The following HIVEP3 variants were observed in gnomAD, a reference collection of about 807,000 sequenced individuals.
HIVEP3 encodes the protein HIVEP zinc finger 3.
In HIVEP3, 49 loss-of-function variants were observed where a neutral mutation model predicts 152.8. The observed-to-expected ratio is 0.32, with a 90% confidence interval of 0.26 to 0.41. The LOEUF is 0.41. HIVEP3 is among the 10% of genes least tolerant of loss of function. The pLI, the probability that HIVEP3 is intolerant of heterozygous loss-of-function variation, is 1.00. For missense variants in HIVEP3, 2,790 were observed against 3,103.3 expected (o/e 0.90, Z 2.40); for synonymous variants, 1,269 against 1,289.0 (o/e 0.98, Z 0.33).
chr1:41,698,954 G>A (rs980986996), intron 2 of HIVEP3, among the ~76,000 whole-genome samples: 1 of 152,176 alleles, frequency 6.6e-6, no homozygotes, highest in Non-Finnish European at 1.5e-5. Flanking sequence ...CAGGATCAGA[G>A]GGGTGTCAGG....
chr1:41,902,297 T>A (rs1644638403), intron 1 of HIVEP3, among the ~76,000 whole-genome samples: 1 of 151,942 alleles, frequency 6.6e-6, no homozygotes, highest in South Asian at 2.1e-4. Context: ...CCTAGATGAG[T>A]GATTCATTGA....
intron 1 of HIVEP3, among the ~76,000 whole-genome samples, chr1:41,758,188 G>A (rs1647441209): frequency 6.6e-6 from 1 of 152,144 alleles, no homozygotes; most frequent in Admixed American, 6.5e-5. Flanking sequence ...GACAGGTTTT[G>A]GTGGGGTCTG....
rs753862941 is a variant in HIVEP3, at chr1:41,581,841, C to T, written c.2957G>A (p.Arg986Gln). 19 of 1,598,022 alleles carry T rather than the reference C, an allele frequency of 1.2e-5. No individual in the cohort carries two copies. In the Admixed American group the frequency reaches 1.9e-4, roughly 16 times the overall value. Reference sequence around the variant, plus strand: ...CTCTGAGGCTGACCTCCGCATCTCTCGGGCATGTGGGTGGTGGCTGGGGAC... The same window carrying T: ...CTCTGAGGCTGACCTCCGCATCTCTTGGGCATGTGGGTGGTGGCTGGGGAC... ...LTVPSHHPHAREMRRSASEQS... is the reference protein window; with the variant it reads ...LTVPSHHPHAQEMRRSASEQS... The change falls in exon 4 of 9, where the codon CGA (arginine) becomes CAA (glutamine). Residue 986 changes from arginine to glutamine, a missense_variant. By Grantham distance (43) the Arg-to-Gln change is conservative. This residue lies in a region of HIVEP3 where 1,078 missense variants were observed against 1,165.3 expected (regional missense o/e 0.93). Coordinates refer to ENST00000372583, the MANE Select transcript of HIVEP3 (RefSeq NM_024503.5). This position sits in a 1 kb window ranked among gnomAD's most constrained non-coding sequence, Gnocchi z 4.5.
At chr1:41,887,199 A>T (rs114095613) in intron 1 of HIVEP3, among the ~76,000 whole-genome samples, 1 of 152,232 alleles carries the variant, frequency 6.6e-6, no homozygotes, top group Non-Finnish European at 1.5e-5. Flanking sequence ...AAATATATTC[A>T]GGGAAAAAAG....
intron 1 of HIVEP3, among the ~76,000 whole-genome samples, chr1:41,968,761 G>A (rs1645213078): frequency 6.6e-6 from 1 of 152,182 alleles, no homozygotes; most frequent in African/African-American, 2.4e-5. Flanking sequence ...AACAGAGGAA[G>A]TCACACTGGC....
chr1:41,819,075 T>C (rs2124339156), intron 1 of HIVEP3, among the ~76,000 whole-genome samples: 1 of 152,334 alleles, frequency 6.6e-6, no homozygotes, highest in Non-Finnish European at 1.5e-5. Context: ...TACTCACTAA[T>C]AAATTGTAGA....
chr1:41,929,469 G>A (rs959672668), intron 1 of HIVEP3, among the ~76,000 whole-genome samples: 1 of 151,692 alleles, frequency 6.6e-6, no homozygotes, highest in Non-Finnish European at 1.5e-5. Context: ...TCATCTTGTA[G>A]TTTGCCTACC....
chr1:41,806,792 G>A (rs182733890), intron 1 of HIVEP3, among the ~76,000 whole-genome samples: 13 of 152,278 alleles, frequency 8.5e-5, no homozygotes, highest in Non-Finnish European at 1.8e-4. Context: ...GGCATCTCAG[G>A]ACGACTCCAC....
intron 5 of HIVEP3, among the ~76,000 whole-genome samples, chr1:41,567,517 A>G (rs569546991): frequency 1.3e-5 from 2 of 152,254 alleles, no homozygotes; most frequent in South Asian, 4.1e-4. Context: ...GCACATCTAC[A>G]TTTCTGGGGA....
chr1:41,634,211 C>A (rs1017612275), intron 2 of HIVEP3, among the ~76,000 whole-genome samples: 3 of 151,094 alleles, frequency 2.0e-5, no homozygotes, highest in Admixed American at 2.0e-4. Flanking sequence ...TATAGGATAT[C>A]CAAGAAACAG....
intron 2 of HIVEP3, among the ~76,000 whole-genome samples, chr1:41,629,895 G>A (rs928663757): frequency 6.6e-6 from 1 of 152,206 alleles, no homozygotes; most frequent in Non-Finnish European, 1.5e-5. Flanking sequence ...CAAACAGAAC[G>A]ACCATTCGAC....
chr1:41,651,625 G>A (rs529889144), intron 2 of HIVEP3, among the ~76,000 whole-genome samples: 50 of 152,336 alleles, frequency 3.3e-4, no homozygotes, highest in Middle Eastern at 3.4e-3. Flanking sequence ...TTGAGTAGCT[G>A]TGGATTTTGG....
At chr1:41,782,731 CAAAA>C (rs10714772) in intron 1 of HIVEP3, among the ~76,000 whole-genome samples, 2 of 113,570 alleles carry the variant, frequency 1.8e-5, no homozygotes, top group African/African-American at 3.3e-5. Flanking sequence ...GACTCCATCT[CAAAA>C]AAAAAAAAAA....
At chr1:41,648,238 C>G (rs1259053173) in intron 2 of HIVEP3, among the ~76,000 whole-genome samples, 7 of 152,378 alleles carry the variant, frequency 4.6e-5, no homozygotes, top group Non-Finnish European at 1.0e-4. Context: ...TTTAATTTCT[C>G]ATGTCTTTCA....
rs2810587 is a variant in HIVEP3 at position 41,507,424 on chromosome 1, A to G, written c.*3027T>C. On this transcript the variant is annotated 3_prime_UTR_variant, in exon 9 of 9. Transcript: ENST00000372583. The stretch of plus-strand genomic sequence containing the variant: ...TGGCCCTGAGATTGCCAAGGGTGAA[A>G]GGCATCGTGGAGCGCAGGCCTGGGG... 0.6 allele frequency: 91,958 copies of G among 152,162 alleles called. 32,088 individuals are homozygous for G. Among genetic ancestry groups the G allele is most frequent in the Non-Finnish European group, 0.77 (52,718 of 68,054 alleles). 9.4% of individuals were successfully genotyped at this position (152,162 alleles called of 1,614,324 possible).
intron 1 of HIVEP3, among the ~76,000 whole-genome samples, chr1:41,723,501 C>CCACA (rs35823066): frequency 0.029 from 4,233 of 146,518 alleles, 173 homozygotes; most frequent in East Asian, 0.2. Context: ...CACACAGCCA[C>CCACA]CACACACACA....
rs1488516722 is a variant in HIVEP3 at position 41,509,385 on chromosome 1, A to G, written c.*1066T>C. On this transcript the variant is annotated 3_prime_UTR_variant, in exon 9 of 9. Transcript: ENST00000372583. The stretch of plus-strand genomic sequence containing the variant: ...TTCCCCGCAAACCTCTGCTGTGGAG[A>G]ACTGGAAAAACCCAGCCATGAGGGG... The G allele has an allele frequency of 6.6e-6, 1 of 152,142 alleles. No individual in the cohort carries two copies. The highest frequency in any genetic ancestry group is 6.5e-5 in the Admixed American group (1 of 15,284). The allele number at this position is 152,142 out of a possible 1,614,324, so 9.4% of individuals were successfully genotyped here.
At chr1:41,773,734 G>A (rs1021132290) in intron 1 of HIVEP3, among the ~76,000 whole-genome samples, 1 of 152,212 alleles carries the variant, frequency 6.6e-6, no homozygotes, top group Non-Finnish European at 1.5e-5. Context: ...AAAACTGCCC[G>A]AGGTTGCCTG....
chr1:41,643,890 C>CTTTTTTTTTTTTTTT (rs58838768), intron 2 of HIVEP3, among the ~76,000 whole-genome samples: 1 of 71,978 alleles, frequency 1.4e-5, no homozygotes, highest in Non-Finnish European at 2.4e-5. Context: ...TTCCCATCCT[C>CTTTTTTTTTTTTTTT]TTTTTTTTTT....
Sources: gnomAD v4.1 joint callset for allele counts (sites outside exome capture counted in the v4.1 genomes callset) on GRCh38, gnomAD v4.1.1 for gene constraint, gnomAD v4.1.1 regional missense constraint, Gnocchi (gnomAD v3.1) non-coding constraint, MANE v1.5 for transcripts, NCBI Gene and HGNC (gene_info 2026-07-23, HGNC 2026-07-21) for gene names.